ADAMTS17: variants seen among roughly 807,000 people sequenced by gnomAD.
ADAMTS17 encodes ADAM metallopeptidase with thrombospondin type 1 motif 17.
A neutral mutation model predicts 141.5 loss-of-function variants in ADAMTS17; 113 were observed. The ratio of observed to expected loss-of-function variants is 0.80; its 90% confidence interval spans 0.69 to 0.93. The LOEUF (loss-of-function observed/expected upper bound fraction) is 0.93, where lower values mean the gene tolerates loss of function less well. Ranked by LOEUF, ADAMTS17 falls within the 40% of genes least tolerant of loss-of-function variation. ADAMTS17 has a pLI of 0.00. For synonymous variants in ADAMTS17, 768 were observed against 630.6 expected, an observed-to-expected ratio of 1.22 and a Z score of -3.27; for missense variants, 1,659 against 1,517.9, an observed-to-expected ratio of 1.09 and a Z score of -1.54.
chr15:100,076,988 G>A (rs2034423211), intron 15 of ADAMTS17, among the ~76,000 whole-genome samples: 1 of 151,978 alleles, frequency 6.6e-6, no homozygotes, highest in African/African-American at 2.4e-5. Context: ...CATTTAGGTT[G>A]TTTCAAAATT....
At chr15:100,174,732 C>T (rs2040275919) in intron 8 of ADAMTS17, among the ~76,000 whole-genome samples, 1 of 152,168 alleles carries the variant, frequency 6.6e-6, no homozygotes, top group Non-Finnish European at 1.5e-5. Flanking sequence ...CAAACCCTCT[C>T]TGGATTTTGG....
chr15:99,996,740 G>T (rs2060809957), intron 19 of ADAMTS17, among the ~76,000 whole-genome samples: 1 of 152,102 alleles, frequency 6.6e-6, no homozygotes, highest in South Asian at 2.1e-4. Flanking sequence ...GCTGGTGGAA[G>T]ACCTGAGGGA....
At chr15:99,987,314 A>ATGCTGCTGC (rs542154978) in intron 20 of ADAMTS17, among the ~76,000 whole-genome samples, 9 of 152,096 alleles carry the variant, frequency 5.9e-5, no homozygotes, top group African/African-American at 9.6e-5. Context: ...CCTGCTTAGC[A>ATGCTGCTGC]TGCTGCTGCT....
At chr15:100,169,282 G>A (rs2040069919) in intron 8 of ADAMTS17, among the ~76,000 whole-genome samples, 1 of 152,142 alleles carries the variant, frequency 6.6e-6, no homozygotes, top group Admixed American at 6.5e-5. Flanking sequence ...CATGGAACAT[G>A]CCCCTGAGGT....
chr15:100,027,343 T>G (rs922200782), intron 18 of ADAMTS17, among the ~76,000 whole-genome samples: 3 of 152,244 alleles, frequency 2.0e-5, no homozygotes, highest in African/African-American at 7.2e-5. Context: ...TTACATATTA[T>G]TTTTCATTCC....
intron 15 of ADAMTS17, among the ~76,000 whole-genome samples, chr15:100,070,833 C>G (rs1263219267): frequency 6.7e-6 from 1 of 149,288 alleles, no homozygotes; most frequent in Non-Finnish European, 1.5e-5. Context: ...ATTAAAAGAA[C>G]TAGAGAAGCA....
intron 10 of ADAMTS17, among the ~76,000 whole-genome samples, chr15:100,136,230 G>A (rs746449635): frequency 6.6e-6 from 1 of 152,102 alleles, no homozygotes; most frequent in Non-Finnish European, 1.5e-5. Flanking sequence ...ATGGAATACT[G>A]TATGATTTCA....
chr15:100,154,364 T>A (rs1343088099), intron 9 of ADAMTS17, among the ~76,000 whole-genome samples: 1 of 152,186 alleles, frequency 6.6e-6, no homozygotes, highest in African/African-American at 2.4e-5. Flanking sequence ...AATTTCCCCA[T>A]GAACAAGGAA....
chr15:100,128,144 G>C (rs1030044624), intron 12 of ADAMTS17: 1 of 152,196 alleles, frequency 6.6e-6, no homozygotes, highest in African/African-American at 2.4e-5. Flanking sequence ...ATGTGGGCTA[G>C]GAGTAGAGGT....
chr15:100,330,970 G>C lies in ADAMTS17; in HGVS notation c.535C>G (p.Leu179Val). ...SQGPFSGREH[L>V]IRRKWSLTPS... The stretch of plus-strand genomic sequence containing the variant: ...GTCAAGGACCATTTGCGCCTGATCA[G>C]ATGTTCTCGTCCACTGAATGGGCCC... The change falls in exon 3 of 22, where the codon CTG becomes GTG. Residue 179 changes from leucine (L) to valine (V), a missense_variant. Leu to Val is a conservative substitution (Grantham distance 32, BLOSUM62 1). Coordinates refer to ENST00000268070, the MANE Select transcript of ADAMTS17 (RefSeq NM_139057.4). The C allele has an allele frequency of 6.2e-7, 1 of 1,614,184 alleles. No homozygotes were observed. The highest frequency in any genetic ancestry group is 8.5e-7 in the Non-Finnish European group (1 of 1,180,044).
intron 8 of ADAMTS17, among the ~76,000 whole-genome samples, chr15:100,184,732 C>T (rs1337464294): frequency 1.3e-5 from 2 of 152,156 alleles, no homozygotes; most frequent in African/African-American, 4.8e-5. Context: ...GGTCTGTCAC[C>T]ACCTTCCCTC....
chr15:100,225,543 T>C (rs56060746), intron 7 of ADAMTS17, among the ~76,000 whole-genome samples: 2,595 of 116,564 alleles, frequency 0.022, 72 homozygotes, highest in African/African-American at 0.069. Context: ...GCAGTCCTTA[T>C]AGCAGTCACG....
chr15:100,181,792 G>A (rs1375316261), intron 8 of ADAMTS17, among the ~76,000 whole-genome samples: 1 of 152,222 alleles, frequency 6.6e-6, no homozygotes, highest in Non-Finnish European at 1.5e-5. Context: ...TGGGAGAGGG[G>A]TGGCACAAGC....
intron 3 of ADAMTS17, among the ~76,000 whole-genome samples, chr15:100,283,094 A>G (rs567520779): frequency 9.2e-5 from 14 of 152,224 alleles, no homozygotes; most frequent in Non-Finnish European, 1.9e-4. Flanking sequence ...CACAGGCATC[A>G]CTTTTAAACT....
chr15:100,269,570 G>C (rs955409744), intron 4 of ADAMTS17, among the ~76,000 whole-genome samples: 1 of 152,200 alleles, frequency 6.6e-6, no homozygotes, highest in African/African-American at 2.4e-5. Context: ...TGAAACCTCA[G>C]TGGATAGAGA....
In ADAMTS17 at chr15:99,993,503, TCAAGG is replaced by T. The variant is rs2060733228; in HGVS notation, c.2797-308_2797-304del. The stretch of plus-strand genomic sequence containing the variant: ...GTGGCCACTTGTCGGGTCCAAAAGC[TCAAGG>T]CAATACGTGAGCTCGAAGGGCAGGT... On this transcript the variant is annotated intron_variant, in intron 19 of 21. Transcript: ENST00000268070. The surrounding 1 kb of genome is among the most constrained non-coding windows in gnomAD (Gnocchi z 4.3). Among the ~76,000 whole-genome samples, 1 of 151,982 alleles carries T rather than the reference TCAAGG, an allele frequency of 6.6e-6. No individual in the cohort carries two copies. Among genetic ancestry groups the T allele is most frequent in the South Asian group, 2.1e-4 (1 of 4,820 alleles).
intron 7 of ADAMTS17, among the ~76,000 whole-genome samples, chr15:100,242,978 C>G (rs1442753938): frequency 6.6e-6 from 1 of 152,214 alleles, no homozygotes; most frequent in Admixed American, 6.5e-5. Flanking sequence ...AACACAAATT[C>G]CCCATGACCG....
chr15:100,133,635 G>C (rs765366368), intron 10 of ADAMTS17, among the ~76,000 whole-genome samples: 18 of 152,116 alleles, frequency 1.2e-4, no homozygotes, highest in Non-Finnish European at 2.2e-4. Flanking sequence ...TGCCTCCCAG[G>C]AGTGATGAGC....
chr15:100,120,210 A>C lies in ADAMTS17; in HGVS notation c.1722-3197T>G, dbSNP rs1397230773. ...ACACTGGCAAAAACTACCTGAAGAA[A>C]CTATTTTGAAACTCTGCAGTCTACT... On this transcript the variant is annotated intron_variant, in intron 12 of 21. Coordinates refer to ENST00000268070, the MANE Select transcript of ADAMTS17 (RefSeq NM_139057.4). Among the ~76,000 whole-genome samples the C allele has an allele frequency of 3.9e-5, 6 of 152,286 alleles. No homozygotes were observed. The East Asian group carries it at 1.2e-3, about 29-fold the overall frequency.
Sources: allele counts gnomAD v4.1 joint callset (sites outside exome capture counted in the v4.1 genomes callset), GRCh38; gene constraint gnomAD v4.1.1; non-coding constraint Gnocchi (gnomAD v3.1); transcripts MANE v1.5; gene names NCBI Gene and HGNC (gene_info 2026-07-23, HGNC 2026-07-21).